The following FARS2 variants were observed in gnomAD, a reference collection of about 807,000 sequenced individuals.
FARS2 encodes phenylalanyl-tRNA synthetase 2, mitochondrial, also known as phenylalanine--tRNA ligase, mitochondrial.
Under a neutral mutation model 46.4 loss-of-function variants are expected in FARS2, and 40 were observed. The observed-to-expected ratio is 0.86, with a 90% CI of 0.67 to 1.12. The LOEUF is 1.12. Among genes scored for constraint, FARS2 ranks in the 50% most tolerant of loss-of-function variants. The pLI is 0.00. For synonymous variants in FARS2, 234 were observed against 214.9 expected, an observed-to-expected ratio of 1.09 and a Z score of -0.78; for missense variants, 513 against 567.9, an observed-to-expected ratio of 0.90 and a Z score of 0.98.
At chr6:5,647,865 C>T (rs1171413978) in intron 6 of FARS2, among the ~76,000 whole-genome samples, 1 of 152,154 alleles carries the variant, frequency 6.6e-6, no homozygotes, top group Admixed American at 6.5e-5. Context: ...GCACGTAACC[C>T]AATGGTTAAG....
intron 4 of FARS2, among the ~76,000 whole-genome samples, chr6:5,464,351 G>A (rs1765400632): frequency 6.6e-6 from 1 of 152,184 alleles, no homozygotes; most frequent in South Asian, 2.1e-4. Context: ...GACCTGGACT[G>A]GCCCTCAGGC....
intron 4 of FARS2, among the ~76,000 whole-genome samples, chr6:5,520,521 A>G (rs190874854): frequency 2.0e-5 from 3 of 152,364 alleles, no homozygotes; most frequent in African/African-American, 7.2e-5. Context: ...AGAGAATAAT[A>G]TAAGAAATAC....
intron 6 of FARS2, among the ~76,000 whole-genome samples, chr6:5,666,562 T>C (rs1778132387): frequency 6.6e-6 from 1 of 152,170 alleles, no homozygotes. Flanking sequence ...TACACAGTGC[T>C]AGACACTGGA....
intron 1 of FARS2, among the ~76,000 whole-genome samples, chr6:5,263,658 G>C (rs192666529): frequency 6.6e-6 from 1 of 152,230 alleles, no homozygotes; most frequent in Admixed American, 6.5e-5. Flanking sequence ...AAAACAGGAG[G>C]TACCATTTAG....
chr6:5,504,003 T>C (rs1767960913), intron 4 of FARS2, among the ~76,000 whole-genome samples: 1 of 152,184 alleles, frequency 6.6e-6, no homozygotes, highest in South Asian at 2.1e-4. Flanking sequence ...AAATTCAGCA[T>C]AGGCAGGTTT....
At chr6:5,490,851 C>T (rs1267793886) in intron 4 of FARS2, among the ~76,000 whole-genome samples, 1 of 152,210 alleles carries the variant, frequency 6.6e-6, no homozygotes, top group Non-Finnish European at 1.5e-5. Flanking sequence ...AGCTTGGAAG[C>T]AGATATCCAA....
chr6:5,301,794 CACACACAT>C (rs1768324001), intron 1 of FARS2, among the ~76,000 whole-genome samples: 3 of 129,194 alleles, frequency 2.3e-5, no homozygotes, highest in African/African-American at 1.0e-4. Context: ...TGCTATCTCA[CACACACAT>C]ACACACACAC....
intron 1 of FARS2, among the ~76,000 whole-genome samples, chr6:5,344,416 T>C (rs1314547084): frequency 6.6e-6 from 1 of 152,176 alleles, no homozygotes; most frequent in Non-Finnish European, 1.5e-5. Context: ...TCTTTATGTC[T>C]TGGATAATCC....
chr6:5,471,038 T>C lies in FARS2; in HGVS notation c.904+39866T>C, dbSNP rs1044893556. On this transcript the variant is annotated intron_variant, in intron 4 of 6. Transcript: ENST00000274680. This position sits in a 1 kb window ranked among gnomAD's most constrained non-coding sequence, Gnocchi z 4.1. Reference sequence around the variant, plus strand: ...TCCTGTGTTCCTTTCTTCCTGCTCTTACTGATCAGAAAAGGCTTTCTAAGC... The same window carrying C: ...TCCTGTGTTCCTTTCTTCCTGCTCTCACTGATCAGAAAAGGCTTTCTAAGC... 1.3e-5 allele frequency among the ~76,000 whole-genome samples: 2 copies of C among 152,208 alleles called. No homozygotes were observed. The highest frequency in any genetic ancestry group is 4.8e-5 in the African/African-American group (2 of 41,442).
chr6:5,530,460 A>C (rs192504552), intron 4 of FARS2, among the ~76,000 whole-genome samples: 1 of 152,112 alleles, frequency 6.6e-6, no homozygotes, highest in African/African-American at 2.4e-5. Context: ...AAAATGTCAA[A>C]ATTTGAATAT....
intron 4 of FARS2, among the ~76,000 whole-genome samples, chr6:5,501,771 A>G (rs1767814888): frequency 6.6e-6 from 1 of 152,214 alleles, no homozygotes; most frequent in African/African-American, 2.4e-5. Flanking sequence ...CTGGGATTAC[A>G]GGTGTGAGCC....
intron 1 of FARS2, among the ~76,000 whole-genome samples, chr6:5,263,066 A>G (rs1471725122): frequency 6.6e-6 from 1 of 152,266 alleles, no homozygotes; most frequent in Non-Finnish European, 1.5e-5. Context: ...GAATGCTATC[A>G]GAGTGAAAAG....
In FARS2 at chr6:5,609,462, C is replaced by T. The variant is rs536478984; in HGVS notation, c.1066-3707C>T. The T allele has an allele frequency of 1.0e-4, 124 of 1,217,434 alleles. No individual in the cohort carries two copies. In the African/African-American group the frequency reaches 1.7e-3, roughly 16 times the overall value. The allele number at this position is 1,217,434 out of a possible 1,614,324, so 75.4% of individuals were successfully genotyped here. On this transcript the variant is annotated intron_variant, in intron 5 of 6. Transcript: ENST00000274680. ...TCCATCATTACCAAATCCATTATAG[C>T]CATCCGCCCTGCCACCATATCCACC...
intron 4 of FARS2, among the ~76,000 whole-genome samples, chr6:5,493,229 GAAAA>G (rs78530593): frequency 2.9e-5 from 4 of 136,256 alleles, no homozygotes; most frequent in Admixed American, 7.4e-5. Flanking sequence ...AAAAAAAAAA[GAAAA>G]AGAAAGAAAT....
At chr6:5,531,468 T>G (rs1264116253) in intron 4 of FARS2, among the ~76,000 whole-genome samples, 1 of 152,038 alleles carries the variant, frequency 6.6e-6, no homozygotes, top group African/African-American at 2.4e-5. Context: ...CCAAAGTGAG[T>G]TTTTTTGAGA....
intron 6 of FARS2, among the ~76,000 whole-genome samples, chr6:5,624,501 A>G (rs1020261423): frequency 1.3e-5 from 2 of 152,310 alleles, no homozygotes; most frequent in Admixed American, 1.3e-4. Context: ...GCAGGGAGAG[A>G]AGCCGGGCGC....
At chr6:5,358,425 GT>G (rs1758076208) in intron 1 of FARS2, among the ~76,000 whole-genome samples, 1 of 151,964 alleles carries the variant, frequency 6.6e-6, no homozygotes, top group Admixed American at 6.6e-5. Flanking sequence ...AATACCATTT[GT>G]TAAAAACAAA....
At chr6:5,333,658 T>C (rs1348790760) in intron 1 of FARS2, among the ~76,000 whole-genome samples, 2 of 152,210 alleles carry the variant, frequency 1.3e-5, no homozygotes, top group Non-Finnish European at 2.9e-5. Context: ...GAATTGGTGG[T>C]GGCTGAGTAT....
At chr6:5,462,505 T>A (rs749753432) in intron 4 of FARS2, among the ~76,000 whole-genome samples, 9 of 152,208 alleles carry the variant, frequency 5.9e-5, no homozygotes, top group African/African-American at 9.6e-5. Flanking sequence ...TTCTAGAAGT[T>A]TATTATTTTA....
Sources: gnomAD v4.1 joint callset for allele counts (sites outside exome capture counted in the v4.1 genomes callset) on GRCh38, gnomAD v4.1.1 for gene constraint, Gnocchi (gnomAD v3.1) non-coding constraint, MANE v1.5 for transcripts, NCBI Gene and HGNC (gene_info 2026-07-23, HGNC 2026-07-21) for gene names.